IPPK: variants seen among roughly 807,000 people sequenced by gnomAD.
IPPK encodes inositol-pentakisphosphate 2-kinase.
In IPPK, 22 loss-of-function variants were observed where a neutral mutation model predicts 64.6. The observed-to-expected ratio is 0.34, with a 90% confidence interval of 0.24 to 0.49. The LOEUF is 0.49. Among genes scored for constraint, IPPK ranks in the 20% least tolerant of loss-of-function variants. IPPK has a pLI of 0.99. For synonymous variants in IPPK, 262 were observed against 247.2 expected, an observed-to-expected ratio of 1.06 and a Z score of -0.56; for missense variants, 532 against 630.7, an observed-to-expected ratio of 0.84 and a Z score of 1.68.
At chr9:92,660,012 A>G (rs935954875) in intron 1 of IPPK, among the ~76,000 whole-genome samples, 3 of 152,016 alleles carry the variant, frequency 2.0e-5, no homozygotes, top group African/African-American at 7.2e-5. Flanking sequence ...ATCAACAATC[A>G]ATCATGGGAA....
intron 3 of IPPK, among the ~76,000 whole-genome samples, chr9:92,655,300 G>A (rs1218844909): frequency 6.6e-6 from 1 of 152,212 alleles, no homozygotes; most frequent in Admixed American, 6.5e-5. Context: ...GCCTGGAATG[G>A]GCTCTGCACC....
intron 11 of IPPK, among the ~76,000 whole-genome samples, chr9:92,628,056 A>G (rs1851766760): frequency 6.6e-6 from 1 of 152,256 alleles, no homozygotes; most frequent in South Asian, 2.1e-4. Flanking sequence ...ACTTGTAATG[A>G]GCAATCTGAA....
intron 1 of IPPK, among the ~76,000 whole-genome samples, chr9:92,665,944 C>G (rs1202322183): frequency 2.0e-5 from 3 of 152,128 alleles, no homozygotes; most frequent in Non-Finnish European, 4.4e-5. Flanking sequence ...ATCCCAAGCA[C>G]TAAACAGGTA....
chr9:92,649,243 G>T (rs1293996539), intron 5 of IPPK, among the ~76,000 whole-genome samples: 1 of 152,178 alleles, frequency 6.6e-6, no homozygotes, highest in Non-Finnish European at 1.5e-5. Context: ...TACCAGGAAT[G>T]AGCCTAAACC....
rs1281033367 is a variant in IPPK, at chr9:92,656,486, C to T, written c.195G>A (p.Glu65=). 3 of 1,613,272 alleles carry T rather than the reference C, an allele frequency of 1.9e-6. No homozygotes were observed. The highest frequency in any genetic ancestry group is 2.5e-6 in the Non-Finnish European group (3 of 1,179,304). Residue 65 remains glutamate (E), a synonymous_variant, in exon 3 of 13, where the codon GAG becomes GAA. Coordinates refer to ENST00000287996, the MANE Select transcript of IPPK (RefSeq NM_022755.6). Reference sequence around the variant, plus strand: ...AATGAACATAGTTCTCCCCCAAAAACTCCTTCATGACATTTTTCCCAAAGT... The same window carrying T: ...AATGAACATAGTTCTCCCCCAAAAATTCCTTCATGACATTTTTCCCAAAGT... ...IVDFGKNVMK[E]FLGENYVHYG...
chr9:92,625,139 G>A (rs925832599), intron 11 of IPPK, among the ~76,000 whole-genome samples: 3 of 151,978 alleles, frequency 2.0e-5, no homozygotes, highest in Non-Finnish European at 2.9e-5. Context: ...CAAGTCAGTG[G>A]GTTGTATATT....
At chr9:92,621,336 C>T (rs1165876796) in intron 11 of IPPK, among the ~76,000 whole-genome samples, 2 of 152,050 alleles carry the variant, frequency 1.3e-5, no homozygotes, top group African/African-American at 4.8e-5. Flanking sequence ...AATAAAAGAA[C>T]ATTACCCAAC....
At chr9:92,668,961 A>G (rs536583776) in intron 1 of IPPK, among the ~76,000 whole-genome samples, 1 of 152,266 alleles carries the variant, frequency 6.6e-6, no homozygotes, top group Non-Finnish European at 1.5e-5. Context: ...AACCTCTCTG[A>G]TTTTCACTTT....
Position 92,616,001 on chromosome 9 carries a change from GAC to G in IPPK, c.1305_1306del (p.Ser436CysfsTer5). ...GGGCTTGAGGTCAAGGTCCAGCACA[GAC>G]ACGGAAAAGGCAAACCTGGACCTCG... is the stretch of plus-strand genomic sequence containing the variant. On this transcript the variant is annotated frameshift_variant, in exon 13 of 13. Transcript: ENST00000287996. LOFTEE classifies it high-confidence loss of function. 1.2e-6 allele frequency: 2 copies of G among 1,614,202 alleles called. No homozygotes were observed. The highest frequency in any genetic ancestry group is 1.7e-6 in the Non-Finnish European group (2 of 1,180,042).
At chr9:92,665,034 GAT>G (rs753071378) in intron 1 of IPPK, among the ~76,000 whole-genome samples, 11 of 152,252 alleles carry the variant, frequency 7.2e-5, no homozygotes, top group Non-Finnish European at 1.5e-4. Flanking sequence ...CGCAACTGCA[GAT>G]ACAAAGAAAG....
chr9:92,640,843 C>T (rs1852032402), intron 7 of IPPK, 61 bp from the exon 8 acceptor site: 1 of 1,152,588 alleles, frequency 8.7e-7, no homozygotes, highest in Non-Finnish European at 1.3e-6. Flanking sequence ...TCCCTGCACA[C>T]ACACCTGCTC....
intron 11 of IPPK, among the ~76,000 whole-genome samples, chr9:92,621,002 AT>A (rs1285580207): frequency 6.6e-6 from 1 of 152,222 alleles, no homozygotes; most frequent in Non-Finnish European, 1.5e-5. Flanking sequence ...GCGCCAGCAG[AT>A]CTGCTATCTG....
At chr9:92,638,336 G>T in intron 8 of IPPK, 56 bp from the exon 9 acceptor site, 3 of 1,568,416 alleles carry the variant, frequency 1.9e-6, no homozygotes, top group Non-Finnish European at 2.6e-6. Flanking sequence ...TGTAGGAAAA[G>T]AACTCAGTCC....
intron 8 of IPPK, 86 bp downstream of exon 8, chr9:92,640,624 C>T (rs1852028565): frequency 1.1e-6 from 1 of 898,628 alleles, no homozygotes; most frequent in Non-Finnish European, 1.9e-6. Context: ...TGACGTGCAG[C>T]CCAGCCCAAC....
chr9:92,645,300 G>A (rs777147591), intron 6 of IPPK, among the ~76,000 whole-genome samples: 21 of 152,058 alleles, frequency 1.4e-4, no homozygotes, highest in Non-Finnish European at 2.5e-4. Context: ...GCTGAAGCAG[G>A]AAGATGGCTT....
intron 1 of IPPK, among the ~76,000 whole-genome samples, chr9:92,661,922 CCATTACCCT>C (rs1353148626): frequency 6.6e-6 from 1 of 152,202 alleles, no homozygotes; most frequent in Non-Finnish European, 1.5e-5. Context: ...CCACAGGGCC[CCATTACCCT>C]CATGCAGGCA....
intron 1 of IPPK, among the ~76,000 whole-genome samples, chr9:92,667,599 G>C (rs1852626709): frequency 6.6e-6 from 1 of 152,174 alleles, no homozygotes; most frequent in Non-Finnish European, 1.5e-5. Flanking sequence ...GCAGGAATGA[G>C]CACAGTAAAG....
intron 1 of IPPK, among the ~76,000 whole-genome samples, chr9:92,668,944 T>C (rs1398715183): frequency 6.6e-6 from 1 of 152,246 alleles, no homozygotes; most frequent in Non-Finnish European, 1.5e-5. Context: ...ACTCGGGCAA[T>C]GCCCTTAACC....
At chr9:92,642,721 A>C in intron 7 of IPPK, 31 bp downstream of exon 7, 1 of 1,602,572 alleles carries the variant, frequency 6.2e-7, no homozygotes, top group Non-Finnish European at 8.5e-7. Context: ...GGAACCTGAC[A>C]CAAGGGGGCA....
Sources: allele counts gnomAD v4.1 joint callset (sites outside exome capture counted in the v4.1 genomes callset), GRCh38; gene constraint gnomAD v4.1.1; transcripts MANE v1.5; gene names NCBI Gene and HGNC (gene_info 2026-07-23, HGNC 2026-07-21).